Variants in TRHDE observed in about 807,000 individuals in gnomAD.
TRHDE encodes the protein thyrotropin releasing hormone degrading enzyme, also known as thyrotropin-releasing hormone-degrading ectoenzyme.
Under a neutral mutation model 125.7 loss-of-function variants are expected in TRHDE, and 72 were observed. The ratio of observed to expected loss-of-function variants is 0.57; its 90% CI spans 0.47 to 0.70. The LOEUF (loss-of-function observed/expected upper bound fraction) is 0.70. Among genes scored for constraint, TRHDE ranks in the 30% least tolerant of loss-of-function variants. The pLI, the probability that TRHDE is intolerant of heterozygous loss-of-function variation, is 0.00. For synonymous variants in TRHDE, 509 were observed against 509.1 expected (o/e 1.00, Z 0.00); for missense variants, 1,110 against 1,327.1 (o/e 0.84, Z 2.54).
At chr12:72,264,698 T>A (rs2139396998) in intron 2 of TRHDE, 1 of 151,996 alleles carries the variant, frequency 6.6e-6, no homozygotes, top group East Asian at 1.9e-4. Context: ...ACAAGCTGAG[T>A]TAAAAACCAA....
intron 2 of TRHDE, among the ~76,000 whole-genome samples, chr12:72,305,822 G>T (rs965017416): frequency 6.6e-6 from 1 of 152,194 alleles, no homozygotes; most frequent in Non-Finnish European, 1.5e-5. Flanking sequence ...CTGATTCTGT[G>T]CCTAAAACGT....
chr12:72,465,450 A>G (rs1876326127), intron 3 of TRHDE, among the ~76,000 whole-genome samples: 3 of 152,200 alleles, frequency 2.0e-5, no homozygotes, highest in Non-Finnish European at 2.9e-5. Context: ...GGAATTTTAC[A>G]TAAATGGCAT....
intron 1 of TRHDE, among the ~76,000 whole-genome samples, chr12:72,279,645 C>A (rs956612437): frequency 4.6e-5 from 7 of 152,166 alleles, no homozygotes; most frequent in African/African-American, 1.7e-4. Context: ...CAAACAGGCA[C>A]AGCTGTATGG....
chr12:72,091,901 G>A (rs1874801285), intron 1 of TRHDE, among the ~76,000 whole-genome samples: 1 of 152,230 alleles, frequency 6.6e-6, no homozygotes, highest in Admixed American at 6.5e-5. Flanking sequence ...ACAAAGGGCT[G>A]TAGAAGCTCA....
intron 2 of TRHDE, among the ~76,000 whole-genome samples, chr12:72,115,080 G>T (rs1875411443): frequency 6.6e-6 from 1 of 151,718 alleles, no homozygotes; most frequent in Non-Finnish European, 1.5e-5. Flanking sequence ...CTTTCTTTGT[G>T]TTGCAAACAA....
intron 2 of TRHDE, among the ~76,000 whole-genome samples, chr12:72,171,869 G>T (rs949093324): frequency 1.3e-5 from 2 of 152,184 alleles, no homozygotes; most frequent in Non-Finnish European, 2.9e-5. Flanking sequence ...TCTTCCAGCT[G>T]TTGAATTTGT....
intron 3 of TRHDE, among the ~76,000 whole-genome samples, chr12:72,456,990 TA>T (rs1214347682): frequency 1.3e-5 from 2 of 152,172 alleles, no homozygotes; most frequent in Non-Finnish European, 2.9e-5. Context: ...CCACTTTCTT[TA>T]AACTCTCAAG....
At chr12:72,401,417 T>C (rs1232265561) in intron 3 of TRHDE, among the ~76,000 whole-genome samples, 1 of 152,196 alleles carries the variant, frequency 6.6e-6, no homozygotes, top group African/African-American at 2.4e-5. Flanking sequence ...TTGCCTAGAA[T>C]CACATTTGAA....
chr12:72,292,272 C>T (rs1466439150), intron 2 of TRHDE, among the ~76,000 whole-genome samples: 1 of 152,138 alleles, frequency 6.6e-6, no homozygotes, highest in African/African-American at 2.4e-5. Flanking sequence ...CATTTTTGTC[C>T]TGACAGTGAC....
intron 3 of TRHDE, among the ~76,000 whole-genome samples, chr12:72,432,982 T>A (rs1322682233): frequency 1.3e-5 from 2 of 152,126 alleles, no homozygotes; most frequent in African/African-American, 4.8e-5. Flanking sequence ...ATTGAAGAAG[T>A]TACTACCTGT....
At chr12:72,338,018 T>A (rs1478482361) in intron 2 of TRHDE, among the ~76,000 whole-genome samples, 1 of 152,106 alleles carries the variant, frequency 6.6e-6, no homozygotes, top group East Asian at 1.9e-4. Flanking sequence ...TATAGAAAAT[T>A]TCGAATCTGC....
At chr12:72,189,350 G>A (rs1038689867) in intron 2 of TRHDE, among the ~76,000 whole-genome samples, 18 of 152,180 alleles carry the variant, frequency 1.2e-4, no homozygotes, top group African/African-American at 4.8e-5. Context: ...ATTATGGATA[G>A]AGGCTTTTCT....
At chr12:72,526,178 C>T (rs554188956) in intron 6 of TRHDE, among the ~76,000 whole-genome samples, 13 of 152,076 alleles carry the variant, frequency 8.5e-5, no homozygotes, top group Non-Finnish European at 1.5e-4. Flanking sequence ...TTGCAAATCA[C>T]GTTCAATATA....
intron 6 of TRHDE, among the ~76,000 whole-genome samples, chr12:72,504,864 C>T (rs186226275): frequency 6.6e-6 from 1 of 152,254 alleles, no homozygotes; most frequent in Admixed American, 6.5e-5. Context: ...ATCTCTGTTA[C>T]TAGTCAACAT....
intron 2 of TRHDE, among the ~76,000 whole-genome samples, chr12:72,182,981 A>G (rs926789243): frequency 1.3e-5 from 2 of 152,186 alleles, no homozygotes; most frequent in African/African-American, 4.8e-5. Context: ...GAGAAATAAT[A>G]TGGGCAGAGG....
intron 2 of TRHDE, among the ~76,000 whole-genome samples, chr12:72,208,629 C>T (rs569216523): frequency 9.1e-4 from 139 of 152,232 alleles, no homozygotes; most frequent in African/African-American, 3.2e-3. Context: ...TTTTTCTGAT[C>T]TGCAAATTGG....
At chr12:72,215,848 C>G (rs1877878941) in intron 2 of TRHDE, among the ~76,000 whole-genome samples, 1 of 152,124 alleles carries the variant, frequency 6.6e-6, no homozygotes, top group Non-Finnish European at 1.5e-5. Flanking sequence ...AACGAAGCAG[C>G]TACCTTTGAA....
intron 3 of TRHDE, among the ~76,000 whole-genome samples, chr12:72,438,400 T>C (rs973202583): frequency 1.3e-5 from 2 of 151,858 alleles, no homozygotes; most frequent in African/African-American, 4.8e-5. Flanking sequence ...ATCAATAATG[T>C]GCAAGGATTC....
At chr12:72,155,004 C>T (rs1876469065) in intron 2 of TRHDE, among the ~76,000 whole-genome samples, 1 of 152,188 alleles carries the variant, frequency 6.6e-6, no homozygotes, top group South Asian at 2.1e-4. Context: ...AACTTGGTTC[C>T]ATTCTCCCCG....
Sources: gnomAD v4.1 joint callset for allele counts (sites outside exome capture counted in the v4.1 genomes callset) on GRCh38, gnomAD v4.1.1 for gene constraint, MANE v1.5 for transcripts, NCBI Gene and HGNC (gene_info 2026-07-23, HGNC 2026-07-21) for gene names.